Variants in HMBOX1 observed in about 807,000 individuals in gnomAD.
HMBOX1 encodes homeobox containing 1, also known as homeobox-containing protein 1.
In HMBOX1, 14 loss-of-function variants were observed where a neutral mutation model predicts 54.5. That is an observed-to-expected ratio of 0.26 (90% CI 0.17 to 0.40). The LOEUF (loss-of-function observed/expected upper bound fraction) is 0.40, where lower values mean the gene tolerates loss of function less well. HMBOX1 is among the 10% of genes least tolerant of loss of function. HMBOX1 has a pLI of 1.00. For synonymous variants in HMBOX1, 160 were observed against 181.0 expected (o/e 0.88, Z 0.93); for missense variants, 332 against 514.4 (o/e 0.65, Z 3.43).
intron 1 of HMBOX1, among the ~76,000 whole-genome samples, chr8:28,935,224 C>T: frequency 6.6e-6 from 1 of 152,128 alleles, no homozygotes. Flanking sequence ...TGAACCCGAT[C>T]TCAATCAAAT....
Position 29,051,918 on chromosome 8 carries a change from A to AG in HMBOX1, c.*763_*764insG, listed in dbSNP as rs1395116330. 633 of 197,566 alleles carry AG rather than the reference A, an allele frequency of 3.2e-3. 3 individuals are homozygous for AG. The highest frequency in any genetic ancestry group is 0.016 in the African/African-American group (617 of 38,878). 12.2% of individuals were successfully genotyped at this position (197,566 alleles called of 1,614,324 possible). On this transcript the variant is annotated 3_prime_UTR_variant, in exon 10 of 10. Transcript: ENST00000287701. Reference sequence around the variant, plus strand: ...GTCATTAAAAAAAAAAAAAAAAAAAACCCAGCTTGAGAGCATTGGAAAAAA... The same window carrying AG: ...GTCATTAAAAAAAAAAAAAAAAAAAAGCCCAGCTTGAGAGCATTGGAAAAAA...
chr8:28,973,448 C>T (rs906593857), intron 3 of HMBOX1, among the ~76,000 whole-genome samples: 7 of 152,144 alleles, frequency 4.6e-5, no homozygotes, highest in Non-Finnish European at 1.0e-4. Context: ...ACATCCCCCT[C>T]CCCCATGATA....
chr8:29,002,026 C>A (rs1033891624), intron 4 of HMBOX1, among the ~76,000 whole-genome samples: 11 of 152,292 alleles, frequency 7.2e-5, no homozygotes, highest in African/African-American at 2.6e-4. Context: ...AACTTAGCAT[C>A]TTGTAACATA....
Position 29,005,335 on chromosome 8 carries a change from A to C in HMBOX1, c.587-3737A>C, listed in dbSNP as rs796998927. ...ATAATTAATGCATATTTATAGGAAG[A>C]TTAAGAAAACAATATAGAGATAGAA... On this transcript the variant is annotated intron_variant, in intron 4 of 9. Coordinates refer to ENST00000287701, the MANE Select transcript of HMBOX1 (RefSeq NM_001135726.3). 4.6e-5 allele frequency among the ~76,000 whole-genome samples: 7 copies of C among 152,342 alleles called. No homozygotes were observed. In the East Asian group the frequency reaches 9.6e-4, roughly 21 times the overall value.
intron 1 of HMBOX1, among the ~76,000 whole-genome samples, chr8:28,933,767 C>G (rs2131932753): frequency 6.6e-6 from 1 of 152,138 alleles, no homozygotes; most frequent in East Asian, 1.9e-4. Context: ...ATCTGAAAAC[C>G]CCTATTAAAG....
At chr8:29,012,108 G>A (rs1834300982) in intron 5 of HMBOX1, among the ~76,000 whole-genome samples, 1 of 152,150 alleles carries the variant, frequency 6.6e-6, no homozygotes, top group South Asian at 2.1e-4. Context: ...AACAGCAATT[G>A]GGTATTAGCA....
At chr8:28,894,990 C>G (rs529415120) in intron 1 of HMBOX1, among the ~76,000 whole-genome samples, 173 of 150,568 alleles carry the variant, frequency 1.1e-3, no homozygotes, top group African/African-American at 3.9e-3. Context: ...TTGAAGTGAT[C>G]AATTATTTTA....
At chr8:28,954,651 T>C (rs1824074299) in intron 1 of HMBOX1, among the ~76,000 whole-genome samples, 1 of 152,172 alleles carries the variant, frequency 6.6e-6, no homozygotes, top group South Asian at 2.1e-4. Context: ...GGTGCCTCTT[T>C]GGGAGGCAAT....
At chr8:28,923,245 C>T (rs751791706) in intron 1 of HMBOX1, among the ~76,000 whole-genome samples, 1 of 152,164 alleles carries the variant, frequency 6.6e-6, no homozygotes, top group Non-Finnish European at 1.5e-5. Flanking sequence ...TTTGCCTGTT[C>T]TGGACATTTC....
rs35952321 is a variant in HMBOX1 at position 28,994,167 on chromosome 8, C to CAA, written c.586+14023_586+14024dup. Among the ~76,000 whole-genome samples, 76 of 124,142 alleles carry CAA rather than the reference C, an allele frequency of 6.1e-4. 1 individual carries two copies. The highest frequency in any genetic ancestry group is 8.5e-3 in the Middle Eastern group (2 of 236). The allele number at this position is 124,142 out of a possible 152,430, so 81.4% of individuals were successfully genotyped here. ...GGGCGACAGAGCCAGACTCTCTCACCAAAAAAAAAAAAAGGCGGGGGGATG... is the reference window on the plus strand; with the variant it reads ...GGGCGACAGAGCCAGACTCTCTCACCAAAAAAAAAAAAAAAGGCGGGGGGATG... On this transcript the variant is annotated intron_variant, in intron 4 of 9. Coordinates refer to ENST00000287701, the MANE Select transcript of HMBOX1 (RefSeq NM_001135726.3).
At chr8:28,980,335 T>G (rs1253007956) in intron 4 of HMBOX1, among the ~76,000 whole-genome samples, 179 bp downstream of exon 4, 1 of 152,200 alleles carries the variant, frequency 6.6e-6, no homozygotes, top group Non-Finnish European at 1.5e-5. Flanking sequence ...CTCTAGTGAT[T>G]TTTTTGACTT....
chr8:28,965,034 A>C (rs1826204974), intron 2 of HMBOX1, among the ~76,000 whole-genome samples: 1 of 152,244 alleles, frequency 6.6e-6, no homozygotes, highest in South Asian at 2.1e-4. Flanking sequence ...ATAGATGGCT[A>C]AGCATTCAGG....
intron 5 of HMBOX1, among the ~76,000 whole-genome samples, chr8:29,012,673 G>A (rs1834366590): frequency 6.6e-6 from 1 of 152,150 alleles, no homozygotes; most frequent in African/African-American, 2.4e-5. Context: ...TAACTACACA[G>A]CCTAATGTGT....
intron 1 of HMBOX1, among the ~76,000 whole-genome samples, chr8:28,944,201 A>G (rs1181163482): frequency 1.3e-5 from 2 of 152,218 alleles, no homozygotes; most frequent in Admixed American, 1.3e-4. Flanking sequence ...TTTAGTCACA[A>G]CGTACAGAAT....
intron 9 of HMBOX1, 199 bp downstream of exon 9, chr8:29,049,247 A>G (rs1173634395): frequency 2.0e-6 from 3 of 1,520,848 alleles, no homozygotes; most frequent in South Asian, 1.2e-5. Flanking sequence ...TGAATTTGTG[A>G]GAGATCGTTA....
chr8:28,891,718 T>C (rs1811018196), intron 1 of HMBOX1: 1 of 152,276 alleles, frequency 6.6e-6, no homozygotes, highest in Non-Finnish European at 1.5e-5. Flanking sequence ...GCTTGTATTT[T>C]TCTTCTACTC....
intron 1 of HMBOX1, among the ~76,000 whole-genome samples, chr8:28,927,831 C>CAAAAA (rs34952149): frequency 1.3e-4 from 7 of 52,744 alleles, no homozygotes; most frequent in Non-Finnish European, 1.9e-4. Context: ...AACTCAGTCT[C>CAAAAA]AAAAAAAAAA....
intron 3 of HMBOX1, among the ~76,000 whole-genome samples, chr8:28,978,543 G>A (rs868794955): frequency 1.4e-4 from 21 of 152,174 alleles, no homozygotes; most frequent in African/African-American, 4.3e-4. Flanking sequence ...AGCACTTTGG[G>A]AGGCCAAGGC....
chr8:29,011,272 G>C (rs868796013), intron 5 of HMBOX1, among the ~76,000 whole-genome samples: 2 of 152,114 alleles, frequency 1.3e-5, no homozygotes, highest in Non-Finnish European at 2.9e-5. Context: ...TAATATTGCC[G>C]CATATTAAGA....
Sources: allele counts gnomAD v4.1 joint callset (sites outside exome capture counted in the v4.1 genomes callset), GRCh38; gene constraint gnomAD v4.1.1; transcripts MANE v1.5; gene names NCBI Gene and HGNC (gene_info 2026-07-23, HGNC 2026-07-21).